The following CBR4 variants were observed in gnomAD, a reference collection of about 807,000 sequenced individuals.
CBR4 encodes carbonyl reductase 4.
In CBR4, 22 loss-of-function variants were observed where a neutral mutation model predicts 21.0. That is an observed-to-expected ratio of 1.05 (90% CI 0.75 to 1.50). The LOEUF is 1.50. Among genes scored for constraint, CBR4 ranks in the 40% most tolerant of loss-of-function variants. CBR4 has a pLI of 0.00. For synonymous variants in CBR4, 100 were observed against 104.4 expected (o/e 0.96, Z 0.26); for missense variants, 302 against 286.3 (o/e 1.05, Z -0.40).
intron 2 of CBR4, among the ~76,000 whole-genome samples, chr4:168,970,915 G>A (rs375689607): frequency 2.6e-5 from 4 of 152,100 alleles, no homozygotes; most frequent in South Asian, 2.1e-4. Flanking sequence ...TTTTGCAATT[G>A]TGAATTGTGC....
intron 4 of CBR4, among the ~76,000 whole-genome samples, chr4:168,994,188 C>T (rs564962584): frequency 1.1e-4 from 17 of 152,266 alleles, no homozygotes; most frequent in Non-Finnish European, 2.2e-4. Context: ...GTATTCCTTA[C>T]GGGAAACAAA....
intron 2 of CBR4, among the ~76,000 whole-genome samples, chr4:168,949,003 G>A (rs1270986774): frequency 6.6e-6 from 1 of 152,174 alleles, no homozygotes; most frequent in African/African-American, 2.4e-5. Context: ...ATGAGCATGG[G>A]ATGTATTTCC....
intron 2 of CBR4, chr4:168,925,324 T>G: frequency 1.4e-6 from 2 of 1,407,486 alleles, no homozygotes; most frequent in African/African-American, 1.4e-5. Flanking sequence ...TGCATGTTGA[T>G]TTCTCTTACA....
chr4:168,988,988 T>C lies in CBR4; in HGVS notation c.*1162A>G. ...ACTATTCCCGATAAAAAGAGTTTAA[T>C]GCAAAATAATTATTACCTGGTATTT... On this transcript the variant is annotated 3_prime_UTR_variant, in exon 5 of 5. Coordinates refer to ENST00000306193, the MANE Select transcript of CBR4 (RefSeq NM_032783.5). 2.0e-6 allele frequency: 2 copies of C among 983,356 alleles called. No homozygotes were observed. The highest frequency in any genetic ancestry group is 2.4e-6 in the Non-Finnish European group (2 of 828,020). The allele number at this position is 983,356 out of a possible 1,614,324, so 60.9% of individuals were successfully genotyped here.
At chr4:168,964,733 G>A (rs1226663908) in intron 2 of CBR4, among the ~76,000 whole-genome samples, 2 of 152,224 alleles carry the variant, frequency 1.3e-5, no homozygotes, top group Admixed American at 6.5e-5. Context: ...CAATAAGCAA[G>A]AAAAGCTCTG....
intron 4 of CBR4, among the ~76,000 whole-genome samples, chr4:168,995,006 G>A (rs1765121519): frequency 2.6e-5 from 4 of 152,028 alleles, no homozygotes; most frequent in Non-Finnish European, 5.9e-5. Flanking sequence ...AGCCTGCCTT[G>A]GTCTCCCAAA....
rs566434167 is a variant in CBR4 at position 168,951,840 on chromosome 4, C to T, written n.169+50231G>A. Among the ~76,000 whole-genome samples, 169 of 152,290 alleles carry T rather than the reference C, an allele frequency of 1.1e-3. 2 individuals are homozygous for T. In the Middle Eastern group the frequency reaches 0.02, roughly 18 times the overall value. ...TACCTAGTGCTTTTGTCTCGTAGCT[C>T]TTAAGATTCTTTCCTTCGTCTTAAC... On this transcript the variant is annotated intron_variant and non_coding_transcript_variant, in intron 2 of 3. Coordinates refer to the CBR4 transcript ENST00000509108.
In CBR4 at chr4:168,950,381, T is replaced by C. The variant is rs111547111; in HGVS notation, n.169+51690A>G. 9.3e-4 allele frequency among the ~76,000 whole-genome samples: 142 copies of C among 152,318 alleles called. 1 individual carries two copies. The highest frequency in any genetic ancestry group is 3.3e-3 in the African/African-American group (137 of 41,580). On this transcript the variant is annotated intron_variant and non_coding_transcript_variant, in intron 2 of 3. Coordinates refer to the CBR4 transcript ENST00000509108. ...TTTTTGACCCAAAAGCAGGTTAATT[T>C]TCATGTATTTGCATGGTTTTGTAGG...
intron 2 of CBR4, chr4:168,916,064 C>T (rs773447112): frequency 6.3e-6 from 10 of 1,591,938 alleles, no homozygotes; most frequent in African/African-American, 2.7e-5. Flanking sequence ...CCTATTGCCC[C>T]ACTTCTCCCT....
At chr4:168,961,940 C>CAGGAGAGGAG (rs11267211) in intron 2 of CBR4, among the ~76,000 whole-genome samples, 1,678 of 133,218 alleles carry the variant, frequency 0.013, 15 homozygotes, top group Non-Finnish European at 0.017. Context: ...GAGGAGAGCA[C>CAGGAGAGGAG]AGGAGAGGAG....
intron 2 of CBR4, among the ~76,000 whole-genome samples, chr4:168,930,477 G>A (rs1762944252): frequency 6.6e-6 from 1 of 152,120 alleles, no homozygotes; most frequent in Non-Finnish European, 1.5e-5. Context: ...CTATTGGCAG[G>A]GATAAATATG....
intron 2 of CBR4, among the ~76,000 whole-genome samples, chr4:168,907,911 T>C (rs1758148004): frequency 1.3e-5 from 2 of 152,142 alleles, no homozygotes; most frequent in African/African-American, 2.4e-5. Context: ...CCTATTATAG[T>C]ATTCCAACCA....
chr4:168,958,124 CG>C (rs1403033415), intron 2 of CBR4, among the ~76,000 whole-genome samples: 2 of 152,022 alleles, frequency 1.3e-5, no homozygotes, highest in Non-Finnish European at 2.9e-5. Context: ...AACTAGCCAG[CG>C]TGGTGGTGAG....
At chr4:169,002,616 A>G (rs1411441184) in intron 3 of CBR4, among the ~76,000 whole-genome samples, 2 of 152,270 alleles carry the variant, frequency 1.3e-5, no homozygotes, top group Non-Finnish European at 2.9e-5. Flanking sequence ...CAACACAGAC[A>G]TAAGGCAGAA....
In CBR4 at chr4:168,913,636, A is replaced by G. The variant is rs146833375; in HGVS notation, n.170-18871T>C. On this transcript the variant is annotated intron_variant and non_coding_transcript_variant, in intron 2 of 3. Transcript: ENST00000509108. ...GTTACGGAGACCTTTGCAGGTTACA[A>G]TTAATCAAGGGTTGTCATTTTAAAT... is the stretch of plus-strand genomic sequence containing the variant. Among the ~76,000 whole-genome samples, 57 of 152,132 alleles carry G rather than the reference A, an allele frequency of 3.7e-4. 1 individual carries two copies. In the East Asian group the frequency reaches 0.011, roughly 29 times the overall value.
In CBR4 at chr4:168,903,845, A is replaced by G; in HGVS notation, n.170-9080T>C. Reference sequence around the variant, plus strand: ...GATCTCGATGGGACCTGCTCCCTCCATACCACAGCCTCCACCCTAGATGAT... The same window carrying G: ...GATCTCGATGGGACCTGCTCCCTCCGTACCACAGCCTCCACCCTAGATGAT... On this transcript the variant is annotated intron_variant and non_coding_transcript_variant, in intron 2 of 3. Transcript: ENST00000509108. 1 of 1,613,810 alleles carries G rather than the reference A, an allele frequency of 6.2e-7. No individual in the cohort carries two copies. The highest frequency in any genetic ancestry group is 8.5e-7 in the Non-Finnish European group (1 of 1,179,666).
intron 2 of CBR4, among the ~76,000 whole-genome samples, chr4:168,907,224 A>G (rs1757999584): frequency 6.6e-6 from 1 of 152,224 alleles, no homozygotes; most frequent in Admixed American, 6.5e-5. Context: ...TACTGTCATT[A>G]TTTTAATTCA....
intron 1 of CBR4, among the ~76,000 whole-genome samples, chr4:169,009,444 C>T (rs189891882): frequency 3.4e-4 from 52 of 152,346 alleles, no homozygotes; most frequent in African/African-American, 1.2e-3. Flanking sequence ...TCAAACACTG[C>T]TTTGTGCATT....
At chr4:168,898,247 A>G in intron 2 of CBR4, 1 of 537,898 alleles carries the variant, frequency 1.9e-6, no homozygotes, top group East Asian at 3.2e-5. Flanking sequence ...AAAGAAGGAA[A>G]AAAAAATTCA....
Sources: allele counts gnomAD v4.1 joint callset (sites outside exome capture counted in the v4.1 genomes callset), GRCh38; gene constraint gnomAD v4.1.1; transcripts MANE v1.5; gene names NCBI Gene and HGNC (gene_info 2026-07-23, HGNC 2026-07-21).